Variants in MEF2A observed in about 807,000 individuals in gnomAD.
MEF2A encodes myocyte enhancer factor 2A.
A neutral mutation model predicts 55.8 loss-of-function variants in MEF2A; 28 were observed. The ratio of observed to expected loss-of-function variants is 0.50; its 90% CI spans 0.37 to 0.69. The LOEUF (loss-of-function observed/expected upper bound fraction) is 0.69, where lower values mean the gene tolerates loss of function less well. Ranked by LOEUF, MEF2A falls within the 30% of genes least tolerant of loss-of-function variation. The pLI is 0.00. For missense variants in MEF2A, 528 were observed against 626.2 expected, an observed-to-expected ratio of 0.84 and a Z score of 1.67; for synonymous variants, 239 against 227.1, an observed-to-expected ratio of 1.05 and a Z score of -0.47.
chr15:99,695,319 G>A (rs756656083), intron 8 of MEF2A, among the ~76,000 whole-genome samples: 26 of 152,026 alleles, frequency 1.7e-4, no homozygotes, highest in Non-Finnish European at 3.2e-4. Context: ...GTAACTAAAG[G>A]TGTATATTAT....
At chr15:99,595,025 C>T (rs1970688549) in intron 1 of MEF2A, among the ~76,000 whole-genome samples, 1 of 152,080 alleles carries the variant, frequency 6.6e-6, no homozygotes, top group African/African-American at 2.4e-5. Context: ...TTTTCCACCT[C>T]TTTATTCACC....
chr15:99,597,043 A>G (rs1006925096), intron 1 of MEF2A, among the ~76,000 whole-genome samples: 2 of 152,206 alleles, frequency 1.3e-5, no homozygotes, highest in African/African-American at 4.8e-5. Flanking sequence ...TAACTGCACA[A>G]ATTATACAGC....
chr15:99,627,634 A>T (rs1596580689), intron 2 of MEF2A, among the ~76,000 whole-genome samples: 1 of 152,176 alleles, frequency 6.6e-6, no homozygotes, highest in South Asian at 2.1e-4. Context: ...TTTGTAGAAT[A>T]TTAGAATTAC....
chr15:99,658,543 T>G (rs1044374641), intron 4 of MEF2A, among the ~76,000 whole-genome samples: 2 of 152,042 alleles, frequency 1.3e-5, no homozygotes, highest in East Asian at 3.9e-4. Flanking sequence ...TTTTCTAGGA[T>G]TGATGAAAGC....
Position 99,674,452 on chromosome 15 carries a change from T to C in MEF2A, c.450T>C (p.Asn150=), listed in dbSNP as rs946905058. The C allele has an allele frequency of 6.2e-7, 1 of 1,613,982 alleles. No individual in the cohort carries two copies. The highest frequency in any genetic ancestry group is 8.5e-7 in the Non-Finnish European group (1 of 1,179,872). Residue 150 remains asparagine, a synonymous_variant, in exon 6 of 12, where the codon AAT becomes AAC. Transcript: ENST00000557942. ...TCACAGTTCCAGTGACCAGCCCCAA[T>C]GCTTTGTCCTACACTAACCCAGGGA... is the stretch of plus-strand genomic sequence containing the variant. ...MSVTVPVTSP[N]ALSYTNPGSS...
chr15:99,594,748 TTCTA>T (rs1250689318), intron 1 of MEF2A, among the ~76,000 whole-genome samples: 1 of 152,170 alleles, frequency 6.6e-6, no homozygotes, highest in Non-Finnish European at 1.5e-5. Flanking sequence ...ATCACATTAT[TTCTA>T]TCTGTGTGAT....
At chr15:99,605,694 G>A (rs946224180) in intron 2 of MEF2A, among the ~76,000 whole-genome samples, 1 of 151,824 alleles carries the variant, frequency 6.6e-6, no homozygotes, top group Non-Finnish European at 1.5e-5. Flanking sequence ...AAGGGGCTGG[G>A]TGCAGTGGCT....
rs191916829 is a variant in MEF2A, at chr15:99,619,315, C to G, written c.-142-13663C>G. Among the ~76,000 whole-genome samples the G allele has an allele frequency of 4.1e-3, 620 of 152,258 alleles. 3 individuals carry two copies. The highest frequency in any genetic ancestry group is 6.2e-3 in the Non-Finnish European group (420 of 68,022). ...AAGGCAGGGCTTTAGCTTCTCACCC[C>G]CTCATGAAGGCAGCAGAATACAGCG... On this transcript the variant is annotated intron_variant, in intron 2 of 11. Coordinates refer to ENST00000557942, the MANE Select transcript of MEF2A (RefSeq NM_001319206.4).
chr15:99,627,601 C>T (rs1311519907), intron 2 of MEF2A, among the ~76,000 whole-genome samples: 1 of 151,984 alleles, frequency 6.6e-6, no homozygotes, highest in Non-Finnish European at 1.5e-5. Flanking sequence ...TGTGAAAAGT[C>T]ACAAATTATA....
chr15:99,654,025 C>T (rs2047280506), intron 4 of MEF2A, among the ~76,000 whole-genome samples: 1 of 151,808 alleles, frequency 6.6e-6, no homozygotes, highest in Non-Finnish European at 1.5e-5. Context: ...TTTGCGCCAC[C>T]CACGTTCATA....
intron 2 of MEF2A, among the ~76,000 whole-genome samples, chr15:99,600,178 C>T (rs1764653265): frequency 6.6e-6 from 1 of 152,148 alleles, no homozygotes; most frequent in African/African-American, 2.4e-5. Context: ...CTCTGAACCT[C>T]AGTGATGGCT....
At chr15:99,604,373 A>G (rs1011141838) in intron 2 of MEF2A, among the ~76,000 whole-genome samples, 1 of 152,172 alleles carries the variant, frequency 6.6e-6, no homozygotes, top group East Asian at 1.9e-4. Flanking sequence ...GTTGGTTAAC[A>G]GTACCATGCC....
In MEF2A at chr15:99,703,348, T is replaced by A. The variant is rs372056478; in HGVS notation, c.859-14T>A. 1.2e-6 allele frequency: 2 copies of A among 1,612,792 alleles called. No individual in the cohort carries two copies. The highest frequency in any genetic ancestry group is 1.7e-6 in the Non-Finnish European group (2 of 1,179,188). ...CTTAGTAACTCTCTTATCCCTCTTA[T>A]GTGCTGAGTACAGTCGGAGGAAGAG... On this transcript the variant is annotated splice_polypyrimidine_tract_variant and intron_variant, in intron 8 of 11. Transcript: ENST00000557942.
At chr15:99,594,199 T>G (rs1278712732) in intron 1 of MEF2A, among the ~76,000 whole-genome samples, 1 of 152,230 alleles carries the variant, frequency 6.6e-6, no homozygotes, top group African/African-American at 2.4e-5. Flanking sequence ...ATCAATTGGC[T>G]GTAAATCAGG....
Position 99,716,228 on chromosome 15 carries a change from A to G in MEF2A, c.*3457A>G, listed in dbSNP as rs2059139601. On this transcript the variant is annotated 3_prime_UTR_variant, in exon 12 of 12. Coordinates refer to ENST00000557942, the MANE Select transcript of MEF2A (RefSeq NM_001319206.4). The stretch of plus-strand genomic sequence containing the variant: ...TATTTGGTAAATGTTTGTAGTCAAC[A>G]GTTCACACAAGAAGCTGTACACGGT... 4.2e-6 allele frequency: 1 copy of G among 240,030 alleles called. No homozygotes were observed. Among genetic ancestry groups the G allele is most frequent in the African/African-American group, 2.2e-5 (1 of 44,492 alleles). The allele number at this position is 240,030 out of a possible 1,614,324, so 14.9% of individuals were successfully genotyped here. A position where few individuals can be genotyped will look rare whatever the true frequency, so the allele number is the denominator to read the frequency against.
chr15:99,670,821 A>G (rs2050736556), intron 4 of MEF2A, among the ~76,000 whole-genome samples: 1 of 152,256 alleles, frequency 6.6e-6, no homozygotes, highest in Non-Finnish European at 1.5e-5. Context: ...AAAGTGAATA[A>G]TAGGAATGAA....
chr15:99,686,207 A>T (rs922705336), intron 7 of MEF2A, among the ~76,000 whole-genome samples: 8 of 152,224 alleles, frequency 5.3e-5, no homozygotes, highest in Non-Finnish European at 8.8e-5. Context: ...TAAGTGGAAC[A>T]TTTAGGCCAT....
chr15:99,605,137 G>A (rs560608839), intron 2 of MEF2A, among the ~76,000 whole-genome samples: 6 of 152,046 alleles, frequency 3.9e-5, no homozygotes, highest in Non-Finnish European at 7.4e-5. Flanking sequence ...TAGTAGCGAC[G>A]GGGTTTTGCC....
At chr15:99,674,158 A>G (rs1364589669) in intron 5 of MEF2A, among the ~76,000 whole-genome samples, 1 of 152,206 alleles carries the variant, frequency 6.6e-6, no homozygotes, top group Non-Finnish European at 1.5e-5. Flanking sequence ...AATATAGAAT[A>G]TAGACATTAG....
Sources: gnomAD v4.1 joint callset for allele counts (sites outside exome capture counted in the v4.1 genomes callset) on GRCh38, gnomAD v4.1.1 for gene constraint, MANE v1.5 for transcripts, NCBI Gene and HGNC (gene_info 2026-07-23, HGNC 2026-07-21) for gene names.